COL11A1: variants seen among roughly 807,000 people sequenced by gnomAD.
COL11A1 encodes the protein collagen type XI alpha 1 chain.
COL11A1 carries 74 observed loss-of-function variants against 265.2 expected under a neutral mutation model. The ratio of observed to expected loss-of-function variants is 0.28; its 90% CI spans 0.23 to 0.34. The LOEUF (loss-of-function observed/expected upper bound fraction) is 0.34. Among genes scored for constraint, COL11A1 ranks in the 10% least tolerant of loss-of-function variants. The pLI, the probability that COL11A1 is intolerant of heterozygous loss-of-function variation, is 1.00. For missense variants in COL11A1, 2,165 were observed against 2,263.6 expected (o/e 0.96, Z 0.88); for synonymous variants, 816 against 727.6 (o/e 1.12, Z -1.96).
intron 54 of COL11A1, among the ~76,000 whole-genome samples, chr1:102,903,436 A>G (rs1343185023): frequency 6.6e-6 from 1 of 150,892 alleles, no homozygotes; most frequent in Non-Finnish European, 1.5e-5. Flanking sequence ...CTTCCGCCAT[A>G]AGATATTATA....
chr1:102,936,525 G>A (rs72983785), intron 44 of COL11A1, among the ~76,000 whole-genome samples: 13,389 of 152,082 alleles, frequency 0.088, 685 homozygotes, highest in African/African-American at 0.13. Flanking sequence ...TGTCAATAAC[G>A]TTCAAACTTT....
rs1017431724 is a variant in COL11A1, at chr1:103,030,954, C to T, written c.780+162G>A. The T allele has an allele frequency of 6.9e-6, 6 of 870,218 alleles. No homozygotes were observed. In the East Asian group the frequency reaches 1.7e-4, roughly 24 times the overall value. The allele number at this position is 870,218 out of a possible 1,614,324, so 53.9% of individuals were successfully genotyped here. A position where few individuals can be genotyped will look rare whatever the true frequency, so the allele number is the denominator to read the frequency against. On this transcript the variant is annotated intron_variant, in intron 5 of 66. Transcript: ENST00000370096. ...TGCTTAAACAGCAAGAAAACAAGTA[C>T]CAAATATATTCAAGTCACTTTTTCC...
intron 46 of COL11A1, among the ~76,000 whole-genome samples, chr1:102,923,810 T>A (rs527377757): frequency 4.6e-5 from 7 of 152,078 alleles, no homozygotes; most frequent in Non-Finnish European, 7.4e-5. Flanking sequence ...AATATTCCAA[T>A]ACATTTCAAA....
rs546052101 is a variant in COL11A1, at chr1:103,017,728, T to C, written c.1413+92A>G. 32 of 1,106,872 alleles carry C rather than the reference T, an allele frequency of 2.9e-5. No homozygotes were observed. In the African/African-American group the frequency reaches 4.8e-4, roughly 16 times the overall value. The allele number at this position is 1,106,872 out of a possible 1,614,324, so 68.6% of individuals were successfully genotyped here. A position where few individuals can be genotyped will look rare whatever the true frequency, so the allele number is the denominator to read the frequency against. On this transcript the variant is annotated intron_variant, in intron 11 of 66. Coordinates refer to ENST00000370096, the MANE Select transcript of COL11A1 (RefSeq NM_001854.4). ...CTGCCTTTACCCCTCCCACACGCAG[T>C]AAGATAACATGTTATACTTGTAGAA... is the stretch of plus-strand genomic sequence containing the variant.
At position 102,984,268 on chromosome 1, in the gene COL11A1, A is replaced by C. The variant is rs532522290; in HGVS notation, c.2503-77T>G. 82 of 958,896 alleles carry C rather than the reference A, an allele frequency of 8.6e-5. 1 individual carries two copies. In the Admixed American group the frequency reaches 1.5e-3, roughly 17 times the overall value. 59.4% of individuals were successfully genotyped at this position (958,896 alleles called of 1,614,324 possible). On this transcript the variant is annotated intron_variant, in intron 30 of 66. Transcript: ENST00000370096. Reference sequence around the variant, plus strand: ...TTAAATAATGATTTCAATTTTTTTTAAATATTAGAATCACATATTGTACAC... The same window carrying C: ...TTAAATAATGATTTCAATTTTTTTTCAATATTAGAATCACATATTGTACAC...
intron 4 of COL11A1, among the ~76,000 whole-genome samples, chr1:103,072,738 C>A (rs116701993): frequency 0.014 from 2,193 of 151,542 alleles, 43 homozygotes; most frequent in African/African-American, 0.05. Flanking sequence ...TGGAAAGAGA[C>A]CAAATTGTTT....
Position 103,022,819 on chromosome 1 carries a change from C to T in COL11A1, c.1168G>A (p.Glu390Lys). The T allele has an allele frequency of 6.2e-7, 1 of 1,613,738 alleles. No individual in the cohort carries two copies. ...TTAGGGGGGCTTGTTGGTTTATCTT[C>T]ATATTCTTTATATTCATAAAAATCA... Reference protein sequence around the residue: ...EYDFYEYKEYEDKPTSPPNEE... With the variant: ...EYDFYEYKEYKDKPTSPPNEE... Residue 390 changes from glutamate (E) to lysine (K), a missense_variant, in exon 8 of 67, where the codon GAA (glutamate) becomes AAA (lysine). Coordinates refer to ENST00000370096, the MANE Select transcript of COL11A1 (RefSeq NM_001854.4).
chr1:102,992,163 T>C (rs1464948110), intron 28 of COL11A1, among the ~76,000 whole-genome samples: 1 of 152,158 alleles, frequency 6.6e-6, no homozygotes, highest in Non-Finnish European at 1.5e-5. Flanking sequence ...TTTCAGCATA[T>C]TCACGTTTAA....
intron 44 of COL11A1, among the ~76,000 whole-genome samples, chr1:102,936,285 G>C (rs1444710949): frequency 3.3e-5 from 5 of 150,144 alleles, no homozygotes; most frequent in Non-Finnish European, 7.4e-5. Flanking sequence ...AGTTTGAAAT[G>C]CTGGCTGAAC....
At chr1:102,890,677 C>T (rs530344867) in intron 57 of COL11A1, among the ~76,000 whole-genome samples, 173 bp from the exon 58 acceptor site, 1 of 152,010 alleles carries the variant, frequency 6.6e-6, no homozygotes, top group African/African-American at 2.4e-5. Flanking sequence ...ATTTAAAACA[C>T]TATGGTTTAA....
At chr1:102,914,519 C>A in intron 51 of COL11A1, 114 bp from the exon 52 acceptor site, 1 of 1,130,408 alleles carries the variant, frequency 8.8e-7, no homozygotes, top group Admixed American at 2.3e-5. Context: ...GAGAATATTT[C>A]TCTTCTCCCG....
chr1:103,093,456 G>T (rs1309141030), intron 1 of COL11A1, among the ~76,000 whole-genome samples: 2 of 152,012 alleles, frequency 1.3e-5, no homozygotes, highest in African/African-American at 2.4e-5. Context: ...ATCCACAAAG[G>T]ATATTTATTA....
intron 1 of COL11A1, among the ~76,000 whole-genome samples, chr1:103,093,976 G>A (rs757612660): frequency 5.3e-5 from 8 of 152,094 alleles, no homozygotes; most frequent in Non-Finnish European, 1.2e-4. Flanking sequence ...CACCATTGAA[G>A]ATGTCATCAT....
chr1:103,067,875 A>T (rs1479767880), intron 4 of COL11A1, among the ~76,000 whole-genome samples: 2 of 151,328 alleles, frequency 1.3e-5, no homozygotes, highest in East Asian at 3.9e-4. Flanking sequence ...CTTGAAAAAT[A>T]AAACTTAACA....
chr1:103,003,814 C>T (rs1283391098), intron 20 of COL11A1, among the ~76,000 whole-genome samples: 1 of 152,000 alleles, frequency 6.6e-6, no homozygotes, highest in East Asian at 1.9e-4. Context: ...TCTTTTTCCC[C>T]CTCCTGCACC....
chr1:103,094,209 CA>C (rs1476525701), intron 1 of COL11A1, among the ~76,000 whole-genome samples: 6 of 151,982 alleles, frequency 3.9e-5, no homozygotes, highest in African/African-American at 1.5e-4. Context: ...AGACACCACA[CA>C]AGAGTAATTA....
chr1:103,019,601 A>G lies in COL11A1; in HGVS notation c.1309-742T>C, dbSNP rs529154984. On this transcript the variant is annotated intron_variant, in intron 9 of 66. Coordinates refer to ENST00000370096, the MANE Select transcript of COL11A1 (RefSeq NM_001854.4). Reference sequence around the variant, plus strand: ...TCTCTTTTTATTCCTTTTTTTTATTATTATACTTTAAGTTTTAGGGTACAT... The same window carrying G: ...TCTCTTTTTATTCCTTTTTTTTATTGTTATACTTTAAGTTTTAGGGTACAT... Among the ~76,000 whole-genome samples the G allele has an allele frequency of 2.0e-5, 3 of 151,448 alleles. No individual in the cohort carries two copies. In the East Asian group the frequency reaches 5.8e-4, roughly 30 times the overall value.
intron 35 of COL11A1, among the ~76,000 whole-genome samples, chr1:102,977,208 G>A (rs1466189738): frequency 1.3e-5 from 2 of 152,032 alleles, no homozygotes; most frequent in African/African-American, 2.4e-5. Context: ...TGCTCAAGAC[G>A]TGAACTAAAT....
At chr1:102,953,051 TTG>T (rs1420644864) in intron 41 of COL11A1, among the ~76,000 whole-genome samples, 3 of 152,176 alleles carry the variant, frequency 2.0e-5, no homozygotes, top group African/African-American at 4.8e-5. Context: ...GAAACTCACA[TTG>T]TGTATATACT....
Sources: allele counts gnomAD v4.1 joint callset (sites outside exome capture counted in the v4.1 genomes callset), GRCh38; gene constraint gnomAD v4.1.1; transcripts MANE v1.5; gene names NCBI Gene and HGNC (gene_info 2026-07-23, HGNC 2026-07-21).